FKTN: variants seen among roughly 807,000 people sequenced by gnomAD.
The protein encoded by FKTN is ribitol-5-phosphate transferase FKTN.
A neutral mutation model predicts 58.6 loss-of-function variants in FKTN; 47 were observed. The ratio of observed to expected loss-of-function variants is 0.80; its 90% CI spans 0.63 to 1.02. The LOEUF (loss-of-function observed/expected upper bound fraction) is 1.02, where lower values mean the gene tolerates loss of function less well. Ranked by LOEUF, FKTN falls within the 50% of genes least tolerant of loss-of-function variation. The pLI, the probability that FKTN is intolerant of heterozygous loss-of-function variation, is 0.00. For synonymous variants in FKTN, 178 were observed against 191.9 expected (o/e 0.93, Z 0.60); for missense variants, 516 against 537.3 (o/e 0.96, Z 0.39).
rs561736882 is a variant in FKTN, at chr9:105,640,814, C to T, written c.*5550C>T. The T allele has an allele frequency of 6.6e-6, 1 of 152,212 alleles. No individual in the cohort carries two copies. The highest frequency in any genetic ancestry group is 2.4e-5 in the African/African-American group (1 of 41,538). The allele number at this position is 152,212 out of a possible 1,614,324, so 9.4% of individuals were successfully genotyped here. ...TGAAAAAAATAACAGGATTTTACAG[C>T]CTTCTGATGATTCATTCAAAGCATG... On this transcript the variant is annotated 3_prime_UTR_variant, in exon 11 of 11. Coordinates refer to ENST00000357998, the MANE Select transcript of FKTN (RefSeq NM_001079802.2).
chr9:105,589,898 G>A (rs1844558818), intron 3 of FKTN, among the ~76,000 whole-genome samples: 2 of 152,196 alleles, frequency 1.3e-5, no homozygotes, highest in Non-Finnish European at 2.9e-5. Context: ...CAATGTGGCT[G>A]TAGACAAATG....
chr9:105,579,824 G>C (rs1478632679), intron 3 of FKTN, among the ~76,000 whole-genome samples: 2 of 151,330 alleles, frequency 1.3e-5, no homozygotes, highest in Non-Finnish European at 2.9e-5. Flanking sequence ...GGTCACACAG[G>C]ACTTGCTTTA....
At chr9:105,585,920 C>A (rs1007336571) in intron 3 of FKTN, among the ~76,000 whole-genome samples, 1 of 152,072 alleles carries the variant, frequency 6.6e-6, no homozygotes, top group African/African-American at 2.4e-5. Context: ...TTTTCAGAGA[C>A]CCTTGAGATT....
intron 10 of FKTN, among the ~76,000 whole-genome samples, chr9:105,634,146 T>C (rs968677749): frequency 1.3e-5 from 2 of 152,100 alleles, no homozygotes; most frequent in African/African-American, 2.4e-5. Flanking sequence ...TTGTTTTTTT[T>C]TTTGAGACAG....
In FKTN at chr9:105,636,144, A is replaced by G; in HGVS notation, c.*880A>G. 1.1e-6 allele frequency: 1 copy of G among 951,050 alleles called. No homozygotes were observed. The highest frequency in any genetic ancestry group is 1.3e-6 in the Non-Finnish European group (1 of 798,808). The allele number at this position is 951,050 out of a possible 1,614,324, so 58.9% of individuals were successfully genotyped here. A position where few individuals can be genotyped will look rare whatever the true frequency, so the allele number is the denominator to read the frequency against. ...AGGTAAAAATATGAGAAATTCATGT[A>G]CATTTTATATTTTCTGAATTTATAA... On this transcript the variant is annotated 3_prime_UTR_variant, in exon 11 of 11. Transcript: ENST00000357998.
intron 4 of FKTN, chr9:105,598,486 A>C: frequency 6.5e-6 from 1 of 153,732 alleles, no homozygotes; most frequent in Non-Finnish European, 1.4e-5. Context: ...TTTAGGTTTT[A>C]ATAAAATTTT....
In FKTN at chr9:105,607,809, T is replaced by C. The variant is rs887162237; in HGVS notation, c.648-10T>C. ...ACCCCTCATTAATAAATCTTAACTT[T>C]TGTTTTCAGGCCAGAGTTACAGCAA... On this transcript the variant is annotated splice_polypyrimidine_tract_variant and intron_variant, in intron 6 of 10. Transcript: ENST00000357998. 4 of 1,612,228 alleles carry C rather than the reference T, an allele frequency of 2.5e-6. No individual in the cohort carries two copies. The highest frequency in any genetic ancestry group is 3.4e-6 in the Non-Finnish European group (4 of 1,178,522).
chr9:105,560,009 T>G (rs986921682), intron 1 of FKTN, among the ~76,000 whole-genome samples: 1 of 152,220 alleles, frequency 6.6e-6, no homozygotes, highest in African/African-American at 2.4e-5. Flanking sequence ...GTTATTAAGC[T>G]AATTTAACAG....
At chr9:105,579,307 C>T (rs1406949934) in intron 3 of FKTN, among the ~76,000 whole-genome samples, 1 of 152,052 alleles carries the variant, frequency 6.6e-6, no homozygotes, top group African/African-American at 2.4e-5. Flanking sequence ...GCATTTAGTG[C>T]TATAAATTTC....
chr9:105,588,597 G>T (rs1009678353), intron 3 of FKTN, among the ~76,000 whole-genome samples: 3 of 152,114 alleles, frequency 2.0e-5, no homozygotes, highest in Admixed American at 6.5e-5. Context: ...AACAATACAT[G>T]TTACCTCTTT....
At position 105,635,521 on chromosome 9, in the gene FKTN, G is replaced by A; in HGVS notation, c.*257G>A. On this transcript the variant is annotated 3_prime_UTR_variant, in exon 11 of 11. Coordinates refer to ENST00000357998, the MANE Select transcript of FKTN (RefSeq NM_001079802.2). ...ACCTACTTCTTTTATTCCTCCTTTT[G>A]GTAAACAACTCAATTTTCCTTTGAG... is the stretch of plus-strand genomic sequence containing the variant. 1 of 1,347,682 alleles carries A rather than the reference G, an allele frequency of 7.4e-7. No individual in the cohort carries two copies. The highest frequency in any genetic ancestry group is 9.5e-7 in the Non-Finnish European group (1 of 1,047,798). 83.5% of individuals were successfully genotyped at this position (1,347,682 alleles called of 1,614,324 possible). A position where few individuals can be genotyped will look rare whatever the true frequency, so the allele number is the denominator to read the frequency against.
At chr9:105,579,551 T>C (rs1440175397) in intron 3 of FKTN, among the ~76,000 whole-genome samples, 1 of 151,716 alleles carries the variant, frequency 6.6e-6, no homozygotes, top group African/African-American at 2.4e-5. Context: ...TAATTTGTGT[T>C]CTTTTACATT....
chr9:105,635,572 G>C lies in FKTN; in HGVS notation c.*308G>C. 1 of 1,246,956 alleles carries C rather than the reference G, an allele frequency of 8.0e-7. No homozygotes were observed. The highest frequency in any genetic ancestry group is 1.0e-6 in the Non-Finnish European group (1 of 984,364). The allele number at this position is 1,246,956 out of a possible 1,614,324, so 77.2% of individuals were successfully genotyped here. ...GGAACCCTCCCCCACCCTTTGAAGA[G>C]TTCAAGTTCTGTACAGGTTTTTAAA... On this transcript the variant is annotated 3_prime_UTR_variant, in exon 11 of 11. Transcript: ENST00000357998.
intron 3 of FKTN, among the ~76,000 whole-genome samples, chr9:105,588,181 A>G (rs1047641686): frequency 6.6e-6 from 1 of 152,146 alleles, no homozygotes; most frequent in African/African-American, 2.4e-5. Context: ...TTCACCTCCT[A>G]CTTTCTGGAT....
intron 3 of FKTN, among the ~76,000 whole-genome samples, chr9:105,581,982 C>T (rs1048838956): frequency 2.0e-5 from 3 of 152,212 alleles, no homozygotes; most frequent in Admixed American, 6.5e-5. Context: ...CTCCCTGACA[C>T]CTTGCGCTTC....
intron 3 of FKTN, among the ~76,000 whole-genome samples, chr9:105,581,710 C>T (rs541934197): frequency 2.0e-4 from 30 of 152,300 alleles, no homozygotes; most frequent in South Asian, 4.1e-4. Context: ...TCGAGCTTCC[C>T]GGCTGCTTTG....
At chr9:105,616,131 T>G (rs1475092918) in intron 8 of FKTN, among the ~76,000 whole-genome samples, 1 of 152,230 alleles carries the variant, frequency 6.6e-6, no homozygotes, top group Non-Finnish European at 1.5e-5. Context: ...ATTTACCATT[T>G]AATATCTTCA....
intron 1 of FKTN, among the ~76,000 whole-genome samples, chr9:105,568,149 G>A (rs923711442): frequency 4.6e-5 from 7 of 152,042 alleles, no homozygotes; most frequent in African/African-American, 1.7e-4. Context: ...ATTCAAGATG[G>A]ATTAAAGACT....
chr9:105,591,940 C>A (rs1196218879), intron 3 of FKTN, among the ~76,000 whole-genome samples: 1 of 152,250 alleles, frequency 6.6e-6, no homozygotes, highest in African/African-American at 2.4e-5. Context: ...TCAGCTATAC[C>A]TGTGCCCCCT....
Sources: allele counts gnomAD v4.1 joint callset (sites outside exome capture counted in the v4.1 genomes callset), GRCh38; gene constraint gnomAD v4.1.1; transcripts MANE v1.5; gene names NCBI Gene and HGNC (gene_info 2026-07-23, HGNC 2026-07-21).